The following GLIS3 variants were observed in gnomAD, a reference collection of about 807,000 sequenced individuals.
The protein encoded by GLIS3 is GLIS family zinc finger 3.
In GLIS3, 53 loss-of-function variants were observed where a neutral mutation model predicts 78.6. The ratio of observed to expected loss-of-function variants is 0.67; its 90% CI spans 0.54 to 0.85. The LOEUF is 0.85. GLIS3 is among the 40% of genes least tolerant of loss of function. The pLI, the probability that GLIS3 is intolerant of heterozygous loss-of-function variation, is 0.00. For missense variants in GLIS3, 1,703 were observed against 1,231.1 expected, an observed-to-expected ratio of 1.38 and a Z score of -5.74; for synonymous variants, 684 against 509.9, an observed-to-expected ratio of 1.34 and a Z score of -4.60.
At chr9:4,421,698 C>T in the GLIS3 span, among the ~76,000 whole-genome samples, 3 of 152,228 alleles carry the variant, frequency 2.0e-5, no homozygotes, top group African/African-American at 7.2e-5. Flanking sequence ...ATTCAGCAAA[C>T]TTGTTCTGAG....
chr9:4,333,217 A>G (rs1587390844), intron 2 of GLIS3, among the ~76,000 whole-genome samples: 1 of 151,202 alleles, frequency 6.6e-6, no homozygotes, highest in Non-Finnish European at 1.5e-5. Context: ...CAAGAATGAA[A>G]AGGGAAGGGA....
chr9:4,077,424 C>CATAGT (rs1828172216), intron 4 of GLIS3, among the ~76,000 whole-genome samples: 1 of 152,124 alleles, frequency 6.6e-6, no homozygotes, highest in African/African-American at 2.4e-5. Flanking sequence ...AGGAGAGGGA[C>CATAGT]TGGGCATAGT....
rs146539033 is a variant in GLIS3, at chr9:3,925,912, T to C, written c.1983+6448A>G. On this transcript the variant is annotated intron_variant, in intron 6 of 10. Transcript: ENST00000381971. ...TTGGTAAAATTGGTTCTGTTATACA[T>C]CATGTTGCTTAGAGTTGCAGTTTCC... Among the ~76,000 whole-genome samples, 25 of 152,312 alleles carry C rather than the reference T, an allele frequency of 1.6e-4. No homozygotes were observed. The East Asian group carries it at 4.8e-3, about 29-fold the overall frequency.
chr9:4,012,765 CTTTTTTTTTTTTTTTT>C lies in GLIS3; in HGVS notation c.1711-75592_1711-75577del, dbSNP rs71324278. ...TCTCTGGTTTCTTTTTTTTCTTTTTCTTTTTTTTTTTTTTTTTTTTTTTTGAGACAGTGTTTTGCTC... is the reference window on the plus strand; with the variant it reads ...TCTCTGGTTTCTTTTTTTTCTTTTTCTTTTTTTTGAGACAGTGTTTTGCTC... On this transcript the variant is annotated intron_variant, in intron 4 of 10. Transcript: ENST00000381971. 6.0e-5 allele frequency among the ~76,000 whole-genome samples: 4 copies of C among 66,476 alleles called. No homozygotes were observed. In the Admixed American group the frequency reaches 6.7e-4, roughly 11 times the overall value. The allele number at this position is 66,476 out of a possible 152,430, so 43.6% of individuals were successfully genotyped here.
intron 2 of GLIS3, among the ~76,000 whole-genome samples, chr9:4,315,813 C>T (rs1817429520): frequency 6.6e-6 from 1 of 152,012 alleles, no homozygotes; most frequent in African/African-American, 2.4e-5. Context: ...CGTTCCCCAG[C>T]ATTAGCCCTG....
At chr9:4,043,327 G>C (rs1001513773) in intron 4 of GLIS3, among the ~76,000 whole-genome samples, 1 of 152,072 alleles carries the variant, frequency 6.6e-6, no homozygotes, top group Admixed American at 6.6e-5. Context: ...TCTTAGTTTT[G>C]AGGTGGGAGA....
At chr9:4,389,742 T>A in the GLIS3 span, among the ~76,000 whole-genome samples, 1 of 152,176 alleles carries the variant, frequency 6.6e-6, no homozygotes, top group African/African-American at 2.4e-5. Flanking sequence ...CATACAGACA[T>A]ACAGGTGCCC....
chr9:4,298,110 G>A (rs1001208648), intron 1 of GLIS3, among the ~76,000 whole-genome samples: 1 of 152,128 alleles, frequency 6.6e-6, no homozygotes, highest in Non-Finnish European at 1.5e-5. Flanking sequence ...TGTGCAACTC[G>A]CTCCTGAGTG....
the GLIS3 span, among the ~76,000 whole-genome samples, chr9:4,451,522 C>G: frequency 1.2e-4 from 18 of 152,150 alleles, no homozygotes; most frequent in African/African-American, 4.1e-4. Flanking sequence ...ACAGAACTCT[C>G]CACCCCATAT....
intron 2 of GLIS3, among the ~76,000 whole-genome samples, chr9:4,264,831 C>T (rs1193138314): frequency 6.6e-6 from 1 of 152,112 alleles, no homozygotes; most frequent in African/African-American, 2.4e-5. Context: ...CTTTGCCTTA[C>T]TATTCACACA....
intron 2 of GLIS3, among the ~76,000 whole-genome samples, chr9:4,142,427 A>C (rs1193595493): frequency 6.6e-6 from 1 of 152,202 alleles, no homozygotes; most frequent in African/African-American, 2.4e-5. Flanking sequence ...CCTAATTATC[A>C]AAGAGTCAAT....
the GLIS3 span, among the ~76,000 whole-genome samples, chr9:4,384,542 T>C: frequency 1.3e-5 from 2 of 150,034 alleles, no homozygotes; most frequent in Admixed American, 1.3e-4. Context: ...CTTCTTTCCT[T>C]TATATAATAT....
At chr9:4,166,898 G>A (rs1815893889) in intron 2 of GLIS3, among the ~76,000 whole-genome samples, 1 of 152,204 alleles carries the variant, frequency 6.6e-6, no homozygotes, top group Non-Finnish European at 1.5e-5. Flanking sequence ...CCAGAGATGA[G>A]AGGAAGGAAG....
At chr9:4,356,219 C>G in the GLIS3 span, among the ~76,000 whole-genome samples, 57 of 152,288 alleles carry the variant, frequency 3.7e-4, no homozygotes, top group Admixed American at 3.4e-3. Flanking sequence ...ATTTCAGTCG[C>G]TATTGTATTC....
intron 2 of GLIS3, among the ~76,000 whole-genome samples, chr9:4,208,525 T>C (rs966432282): frequency 1.3e-5 from 2 of 152,196 alleles, no homozygotes; most frequent in African/African-American, 2.4e-5. Flanking sequence ...TCTTCTGCCA[T>C]TGCTGGAGTG....
chr9:3,981,513 C>T (rs949046295), intron 4 of GLIS3, among the ~76,000 whole-genome samples: 4 of 152,082 alleles, frequency 2.6e-5, no homozygotes, highest in African/African-American at 9.7e-5. Context: ...CCCATGAGTC[C>T]GGGTTAAGTG....
At chr9:3,859,591 G>C (rs1046705842) in intron 8 of GLIS3, among the ~76,000 whole-genome samples, 1 of 152,130 alleles carries the variant, frequency 6.6e-6, no homozygotes, top group African/African-American at 2.4e-5. Context: ...GTCAGATCAA[G>C]ATGACATCAC....
At chr9:4,158,440 G>C (rs569480412) in intron 2 of GLIS3, among the ~76,000 whole-genome samples, 1 of 152,162 alleles carries the variant, frequency 6.6e-6, no homozygotes, top group African/African-American at 2.4e-5. Context: ...AGGAAGGGTC[G>C]AGATTAAGAA....
chr9:4,469,723 G>T, the GLIS3 span, among the ~76,000 whole-genome samples: 14 of 152,260 alleles, frequency 9.2e-5, no homozygotes, highest in South Asian at 2.7e-3. Context: ...ACAATTAAAA[G>T]AACTAGAGAG....
Sources: allele counts gnomAD v4.1 joint callset (sites outside exome capture counted in the v4.1 genomes callset), GRCh38; gene constraint gnomAD v4.1.1; transcripts MANE v1.5; gene names NCBI Gene and HGNC (gene_info 2026-07-23, HGNC 2026-07-21).